NUP214: variants seen among roughly 807,000 people sequenced by gnomAD.
NUP214 encodes the protein nucleoporin 214.
Under a neutral mutation model 196.2 loss-of-function variants are expected in NUP214, and 79 were observed. The observed-to-expected ratio is 0.40, with a 90% CI of 0.34 to 0.49. NUP214 has a LOEUF of 0.49. NUP214 is among the 20% of genes least tolerant of loss of function. The pLI is 0.58. For synonymous variants in NUP214, 1,020 were observed against 990.5 expected (o/e 1.03, Z -0.56); for missense variants, 2,468 against 2,539.0 (o/e 0.97, Z 0.60).
chr9:131,128,543 G>C, intron 3 of NUP214, 60 bp downstream of exon 3: 1 of 1,431,702 alleles, frequency 7.0e-7, no homozygotes, highest in Non-Finnish European at 9.4e-7. Flanking sequence ...TCCTTGTATT[G>C]AATTACAACT....
rs1330273479 is a variant in NUP214, at chr9:131,130,146, TTTTTG to T, written c.593-615_593-611del. Among the ~76,000 whole-genome samples the T allele has an allele frequency of 1.6e-4, 17 of 108,630 alleles. 1 individual carries two copies. The highest frequency in any genetic ancestry group is 1.1e-3 in the East Asian group (4 of 3,694). 71.3% of individuals were successfully genotyped at this position (108,630 alleles called of 152,430 possible). A position where few individuals can be genotyped will look rare whatever the true frequency, so the allele number is the denominator to read the frequency against. ...AATGATTTCTGGTTTTGTTTTTTTT[TTTTTG>T]TTTTTTTTTTGAGACAGAGTCTTGC... On this transcript the variant is annotated intron_variant, in intron 4 of 35. Coordinates refer to ENST00000359428, the MANE Select transcript of NUP214 (RefSeq NM_005085.4).
rs781279046 is a variant in NUP214 at position 131,130,878 on chromosome 9, C to T, written c.663+42C>T. On this transcript the variant is annotated intron_variant, in intron 5 of 35. Transcript: ENST00000359428. ...AACTTCAGAATTTTTCTTAAGTTGC[C>T]CACTTTTTTGGGGGTGGTTTGGGAG... 4 of 1,554,450 alleles carry T rather than the reference C, an allele frequency of 2.6e-6. No homozygotes were observed. The South Asian group carries it at 4.5e-5, about 17-fold the overall frequency.
chr9:131,184,444 A>G (rs7046377), intron 24 of NUP214, among the ~76,000 whole-genome samples: 98,059 of 150,550 alleles, frequency 0.65, 32,104 homozygotes, highest in Admixed American at 0.75. Flanking sequence ...AGCGATTCTC[A>G]TGCTTCAGCC....
chr9:131,197,824 C>T lies in NUP214; in HGVS notation c.4330C>T (p.Gln1444Ter). The T allele has an allele frequency of 6.2e-7, 1 of 1,613,626 alleles. No homozygotes were observed. The change falls in exon 29 of 36, where the codon CAA (glutamine) becomes TAA (stop). Residue 1444 changes from glutamine (Q) to a stop codon, truncating the protein, a stop_gained. Coordinates refer to ENST00000359428, the MANE Select transcript of NUP214 (RefSeq NM_005085.4). LOFTEE classifies it high-confidence loss of function. Reference protein sequence around the residue: ...AGKTSFSFGSQQTNSTVPPSA... With the variant: ...AGKTSFSFGS ...CAAGACTAGTTTTTCATTTGGAAGCCAACAGACCAATAGCACAGTGCCCCC... is the reference window on the plus strand; with the variant it reads ...CAAGACTAGTTTTTCATTTGGAAGCTAACAGACCAATAGCACAGTGCCCCC...
chr9:131,229,942 G>A (rs371667801), intron 33 of NUP214: 5 of 358,562 alleles, frequency 1.4e-5, no homozygotes, highest in East Asian at 1.6e-4. Flanking sequence ...CCCTCACCTA[G>A]TCACCTCCAG....
intron 30 of NUP214, among the ~76,000 whole-genome samples, chr9:131,202,406 T>C (rs1387575790): frequency 6.6e-6 from 1 of 151,832 alleles, no homozygotes; most frequent in Non-Finnish European, 1.5e-5. Context: ...CACACACATA[T>C]ATATATTTTT....
At chr9:131,174,357 G>A (rs1445608626) in intron 22 of NUP214, 39 bp downstream of exon 22, 2 of 1,566,488 alleles carry the variant, frequency 1.3e-6, no homozygotes, top group Non-Finnish European at 1.7e-6. Flanking sequence ...TTTTCCCTAT[G>A]ATGTTTCTAA....
intron 24 of NUP214, among the ~76,000 whole-genome samples, chr9:131,181,007 GTAATATAT>G (rs1833263362): frequency 6.6e-6 from 1 of 152,172 alleles, no homozygotes; most frequent in Non-Finnish European, 1.5e-5. Flanking sequence ...AGTAAAATAT[GTAATATAT>G]TAGATGGTGA....
intron 29 of NUP214, among the ~76,000 whole-genome samples, chr9:131,200,581 C>T (rs1404842099): frequency 3.3e-5 from 5 of 152,288 alleles, no homozygotes; most frequent in African/African-American, 1.2e-4. Flanking sequence ...TCGTGGCAGG[C>T]GCATGTAGTC....
chr9:131,212,646 A>G (rs923601026), intron 30 of NUP214, among the ~76,000 whole-genome samples: 1 of 152,232 alleles, frequency 6.6e-6, no homozygotes, highest in African/African-American at 2.4e-5. Context: ...GGTTGGGTCT[A>G]GAGGCTTGAG....
intron 32 of NUP214, among the ~76,000 whole-genome samples, chr9:131,226,793 G>T (rs1834736223): frequency 6.6e-6 from 1 of 152,142 alleles, no homozygotes; most frequent in African/African-American, 2.4e-5. Context: ...ATAGGCACAT[G>T]AGTGAATCAC....
chr9:131,198,279 T>A lies in NUP214; in HGVS notation c.4785T>A (p.Ala1595=). ...ASSFSVPGQT[A]VTAAAISSAG... ...CCTTTTCTGTGCCTGGGCAGACTGC[T>A]GTCACAGCAGCTGCTATCTCAAGTG... is the stretch of plus-strand genomic sequence containing the variant. Residue 1595 remains alanine (A), a synonymous_variant, in exon 29 of 36, where the codon GCT becomes GCA. Transcript: ENST00000359428. The A allele has an allele frequency of 6.2e-7, 1 of 1,614,206 alleles. No homozygotes were observed.
intron 24 of NUP214, among the ~76,000 whole-genome samples, chr9:131,180,592 T>C (rs768506840): frequency 5.9e-5 from 9 of 152,258 alleles, no homozygotes; most frequent in Admixed American, 1.3e-4. Flanking sequence ...TGGTGTACTT[T>C]ATGTTCATTG....
chr9:131,206,400 C>T (rs1349019643), intron 30 of NUP214, among the ~76,000 whole-genome samples: 2 of 151,674 alleles, frequency 1.3e-5, no homozygotes, highest in Non-Finnish European at 2.9e-5. Context: ...CCTGCCTCGG[C>T]CTCCCAAAGT....
chr9:131,129,564 T>A (rs1439613760), intron 4 of NUP214, 87 bp downstream of exon 4: 2 of 1,365,430 alleles, frequency 1.5e-6, no homozygotes, highest in Non-Finnish European at 2.1e-6. Context: ...TGGATAGCTT[T>A]TTGTGTTTTG....
chr9:131,197,481 G>T lies in NUP214; in HGVS notation c.3987G>T (p.Glu1329Asp), dbSNP rs1264837686. Residue 1329 changes from glutamate to aspartate, a missense_variant, in exon 29 of 36, where the codon GAG becomes GAT. Physicochemically the swap from Glu to Asp is conservative, Grantham distance 45 (BLOSUM62 2). Around this residue, in one of 5 missense-constraint regions of NUP214, gnomAD observed 1,801 missense variants for 1,779.4 expected, o/e 1.01. Transcript: ENST00000359428. ...TGTTTCCAAGTTCTTTGGCTGGAGAGACTCTGGGAAGTTTTTCAGGACTGC... is the reference window on the plus strand; with the variant it reads ...TGTTTCCAAGTTCTTTGGCTGGAGATACTCTGGGAAGTTTTTCAGGACTGC... ...ELLFPSSLAG[E>D]TLGSFSGLRV... The T allele has an allele frequency of 1.2e-6, 2 of 1,614,184 alleles. No individual in the cohort carries two copies. The highest frequency in any genetic ancestry group is 1.7e-5 in the Admixed American group (1 of 60,034).
intron 5 of NUP214, among the ~76,000 whole-genome samples, chr9:131,131,147 C>CT (rs998419082): frequency 1.3e-5 from 2 of 152,146 alleles, no homozygotes; most frequent in African/African-American, 4.8e-5. Context: ...TGTTCCCCAC[C>CT]TTTTTCAGTC....
Position 131,146,023 on chromosome 9 carries a change from A to C in NUP214, c.1770-106A>C. 3.7e-6 allele frequency: 4 copies of C among 1,084,244 alleles called. No homozygotes were observed. The South Asian group carries it at 5.0e-5, about 14-fold the overall frequency. 67.2% of individuals were successfully genotyped at this position (1,084,244 alleles called of 1,614,324 possible). ...AGGCAAAAAGTATGTTATCTTTGTA[A>C]GTTAACATAAAAGATAATAAGTTAT... On this transcript the variant is annotated intron_variant, in intron 12 of 35. Transcript: ENST00000359428. This position sits in a 1 kb window ranked among gnomAD's most constrained non-coding sequence, Gnocchi z 4.6.
In NUP214 at chr9:131,198,197, C is replaced by T; in HGVS notation, c.4703C>T (p.Thr1568Ile). 6.2e-7 allele frequency: 1 copy of T among 1,614,050 alleles called. No individual in the cohort carries two copies. The highest frequency in any genetic ancestry group is 8.5e-7 in the Non-Finnish European group (1 of 1,180,036). ...CTTGTAGCACTTTCTGCAGAGGCTA[C>T]CCCAGCCACCACGGGGGTCCCTGAT... Reference protein sequence around the residue: ...TSLVALSAEATPATTGVPDAR... With the variant: ...TSLVALSAEAIPATTGVPDAR... The change falls in exon 29 of 36, where the codon ACC (threonine) becomes ATC (isoleucine). Residue 1568 changes from threonine (T) to isoleucine (I), a missense_variant. Physicochemically the swap from Thr to Ile is moderately conservative, Grantham distance 89. Coordinates refer to ENST00000359428, the MANE Select transcript of NUP214 (RefSeq NM_005085.4).
Sources: allele counts gnomAD v4.1 joint callset (sites outside exome capture counted in the v4.1 genomes callset), GRCh38; gene constraint gnomAD v4.1.1; regional missense constraint gnomAD v4.1.1; non-coding constraint Gnocchi (gnomAD v3.1); transcripts MANE v1.5; gene names NCBI Gene and HGNC (gene_info 2026-07-23, HGNC 2026-07-21).